ATP8A2: variants seen among roughly 807,000 people sequenced by gnomAD.
ATP8A2 encodes the protein phospholipid-transporting ATPase IB.
ATP8A2 carries 100 observed loss-of-function variants against 165.6 expected under a neutral mutation model. The ratio of observed to expected loss-of-function variants is 0.60; its 90% CI spans 0.51 to 0.71. ATP8A2 has a LOEUF of 0.71. ATP8A2 is among the 30% of genes least tolerant of loss of function. ATP8A2 has a pLI of 0.00. For missense variants in ATP8A2, 1,227 were observed against 1,479.5 expected (o/e 0.83, Z 2.80); for synonymous variants, 543 against 548.8 (o/e 0.99, Z 0.15).
intron 24 of ATP8A2, among the ~76,000 whole-genome samples, chr13:25,691,612 A>G (rs1415037036): frequency 6.6e-6 from 1 of 152,220 alleles, no homozygotes; most frequent in Non-Finnish European, 1.5e-5. Flanking sequence ...TCTCTTGAAA[A>G]TGTTTGCTTA....
chr13:25,434,912 C>T (rs556829929), intron 1 of ATP8A2, among the ~76,000 whole-genome samples: 2 of 152,206 alleles, frequency 1.3e-5, no homozygotes, highest in South Asian at 2.1e-4. Context: ...GCTTGTGTAG[C>T]ATTTCACATC....
chr13:25,839,445 G>A, intron 29 of ATP8A2, 101 bp from the exon 30 acceptor site: 1 of 808,682 alleles, frequency 1.2e-6, no homozygotes, highest in Non-Finnish European at 2.2e-6. Context: ...GAACCGTGCA[G>A]CGCACGGCCA....
chr13:25,710,101 G>A (rs1056889141), intron 25 of ATP8A2, among the ~76,000 whole-genome samples: 6 of 152,170 alleles, frequency 3.9e-5, no homozygotes, highest in African/African-American at 7.2e-5. Flanking sequence ...GGAGAAGGAG[G>A]AGACTTTTAT....
chr13:25,992,789 T>C (rs1206306014), intron 35 of ATP8A2, among the ~76,000 whole-genome samples: 3 of 151,768 alleles, frequency 2.0e-5, no homozygotes, highest in Non-Finnish European at 4.4e-5. Context: ...CTGCACCCAC[T>C]AACTCGTCAT....
At chr13:25,890,437 A>G (rs777897550) in intron 33 of ATP8A2, among the ~76,000 whole-genome samples, 1 of 152,198 alleles carries the variant, frequency 6.6e-6, no homozygotes, top group Admixed American at 6.5e-5. Flanking sequence ...TCAATTTTAG[A>G]ATTGTGTTCT....
chr13:25,482,041 G>C (rs751700482), intron 2 of ATP8A2, among the ~76,000 whole-genome samples: 2 of 152,102 alleles, frequency 1.3e-5, no homozygotes, highest in African/African-American at 2.4e-5. Flanking sequence ...TTCCTCTCCA[G>C]CCACATTACA....
At position 25,743,238 on chromosome 13, in the gene ATP8A2, T is replaced by C. The variant is rs965192261; in HGVS notation, c.2385-25808T>C. ...GCGGTGCTTCTGCCAAGGAACGCCA[T>C]GGAATGCTGAAGATGGCAGCAACCA... is the stretch of plus-strand genomic sequence containing the variant. On this transcript the variant is annotated intron_variant, in intron 25 of 36. Coordinates refer to ENST00000381655, the MANE Select transcript of ATP8A2 (RefSeq NM_016529.6). Among the ~76,000 whole-genome samples, 3 of 151,956 alleles carry C rather than the reference T, an allele frequency of 2.0e-5. No individual in the cohort carries two copies. The East Asian group carries it at 5.8e-4, about 30-fold the overall frequency.
chr13:25,481,383 C>T (rs2036195791), intron 2 of ATP8A2, among the ~76,000 whole-genome samples: 1 of 152,212 alleles, frequency 6.6e-6, no homozygotes, highest in African/African-American at 2.4e-5. Flanking sequence ...CATGGCAGTT[C>T]TAGGAGCCCT....
rs575941467 is a variant in ATP8A2, at chr13:25,650,590, C to T, written c.2212-48583C>T. ...TAGTGTTGGGGCCAAACAGAAGTAG[C>T]GTTAAGGGTACTTCAGCTTTTTTTC... On this transcript the variant is annotated intron_variant, in intron 24 of 36. Transcript: ENST00000381655. Among the ~76,000 whole-genome samples the T allele has an allele frequency of 6.7e-4, 102 of 152,092 alleles. 1 individual carries two copies. Among genetic ancestry groups the T allele is most frequent in the Non-Finnish European group, 1.2e-3 (82 of 68,026 alleles).
chr13:25,753,614 G>A (rs2044200952), intron 25 of ATP8A2, among the ~76,000 whole-genome samples: 2 of 152,146 alleles, frequency 1.3e-5, no homozygotes, highest in Admixed American at 1.3e-4. Context: ...GATCACAGAG[G>A]GAAAATTATC....
intron 35 of ATP8A2, among the ~76,000 whole-genome samples, chr13:25,977,543 A>G (rs1383595565): frequency 1.3e-5 from 2 of 152,250 alleles, no homozygotes; most frequent in African/African-American, 4.8e-5. Flanking sequence ...GAAACACCTC[A>G]TTAGCATTTA....
chr13:25,379,681 A>G (rs1187591882), intron 1 of ATP8A2, among the ~76,000 whole-genome samples: 2 of 152,174 alleles, frequency 1.3e-5, no homozygotes, highest in Non-Finnish European at 2.9e-5. Flanking sequence ...TAGTTACTGT[A>G]TATGTAGCAA....
intron 27 of ATP8A2, among the ~76,000 whole-genome samples, chr13:25,788,784 T>C (rs1240651300): frequency 6.6e-6 from 1 of 152,230 alleles, no homozygotes; most frequent in Non-Finnish European, 1.5e-5. Flanking sequence ...TCAGAATAAT[T>C]GGTGCGCTAA....
chr13:25,791,023 A>G (rs1193836071), intron 27 of ATP8A2, among the ~76,000 whole-genome samples: 2 of 152,196 alleles, frequency 1.3e-5, no homozygotes, highest in Non-Finnish European at 2.9e-5. Flanking sequence ...AACCAATCCC[A>G]TTACTGGATG....
chr13:25,524,008 C>T (rs1354402966), intron 2 of ATP8A2, among the ~76,000 whole-genome samples: 6 of 151,990 alleles, frequency 3.9e-5, no homozygotes, highest in African/African-American at 1.4e-4. Context: ...TGCAAACTTC[C>T]CCTCTTACCA....
chr13:25,538,469 A>G lies in ATP8A2; in HGVS notation c.581+408A>G, dbSNP rs1017780593. On this transcript the variant is annotated intron_variant, in intron 7 of 36. Coordinates refer to ENST00000381655, the MANE Select transcript of ATP8A2 (RefSeq NM_016529.6). The stretch of plus-strand genomic sequence containing the variant: ...AGTGCTGCACATTGATAGCTGTTCA[A>G]GAACCGTGGGTGTTTTCTCAGCGTA... Among the ~76,000 whole-genome samples the G allele has an allele frequency of 3.9e-5, 6 of 152,172 alleles. No individual in the cohort carries two copies. The East Asian group carries it at 5.8e-4, about 15-fold the overall frequency.
intron 33 of ATP8A2, among the ~76,000 whole-genome samples, chr13:25,913,842 T>C (rs1954191825): frequency 6.6e-6 from 1 of 152,184 alleles, no homozygotes; most frequent in South Asian, 2.1e-4. Context: ...AAGTGTATCC[T>C]TTAGCAGGAG....
intron 27 of ATP8A2, among the ~76,000 whole-genome samples, chr13:25,816,130 T>C (rs1269757782): frequency 2.6e-5 from 4 of 152,232 alleles, no homozygotes; most frequent in African/African-American, 9.6e-5. Context: ...TTAATACCAC[T>C]GAACTGCACA....
intron 2 of ATP8A2, among the ~76,000 whole-genome samples, chr13:25,517,787 T>A (rs932257955): frequency 1.3e-5 from 2 of 152,230 alleles, no homozygotes; most frequent in Admixed American, 6.5e-5. Flanking sequence ...AATGGCAGTG[T>A]TTTAAAATGA....
Sources: allele counts gnomAD v4.1 joint callset (sites outside exome capture counted in the v4.1 genomes callset), GRCh38; gene constraint gnomAD v4.1.1; transcripts MANE v1.5; gene names NCBI Gene and HGNC (gene_info 2026-07-23, HGNC 2026-07-21).